The following NRXN3 variants were observed in gnomAD, a reference collection of about 807,000 sequenced individuals.
The protein encoded by NRXN3 is neurexin 3, also known as neurexin III.
In NRXN3, 32 loss-of-function variants were observed where a neutral mutation model predicts 137.6. The ratio of observed to expected loss-of-function variants is 0.23; its 90% CI spans 0.18 to 0.31. The LOEUF (loss-of-function observed/expected upper bound fraction) is 0.31. Ranked by LOEUF, NRXN3 falls within the 10% of genes least tolerant of loss-of-function variation. NRXN3 has a pLI of 1.00. For missense variants in NRXN3, 1,574 were observed against 2,062.5 expected (o/e 0.76, Z 4.59); for synonymous variants, 798 against 784.5 (o/e 1.02, Z -0.29).
chr14:78,213,530 G>A (rs527883240), intron 1 of NRXN3, among the ~76,000 whole-genome samples: 2 of 152,304 alleles, frequency 1.3e-5, no homozygotes, highest in African/African-American at 4.8e-5. Context: ...CAGGCTGATG[G>A]GAAGTCCCCA....
At chr14:79,175,868 A>T (rs1239951974) in intron 15 of NRXN3, among the ~76,000 whole-genome samples, 1 of 151,446 alleles carries the variant, frequency 6.6e-6, no homozygotes, top group African/African-American at 2.4e-5. Context: ...GTTACAAAAC[A>T]GTGTTGTAGT....
intron 16 of NRXN3, among the ~76,000 whole-genome samples, chr14:79,505,928 C>T (rs558530074): frequency 5.9e-5 from 9 of 152,230 alleles, no homozygotes; most frequent in Non-Finnish European, 8.8e-5. Flanking sequence ...GTAATCCAGT[C>T]GTTGATCAAG....
At chr14:78,215,773 G>GA in intron 1 of NRXN3, among the ~76,000 whole-genome samples, 1 of 134,672 alleles carries the variant, frequency 7.4e-6, no homozygotes, top group African/African-American at 2.7e-5. Context: ...CAGGGGGGTG[G>GA]GGGGGGCAGG....
intron 19 of NRXN3, among the ~76,000 whole-genome samples, chr14:79,721,064 C>G (rs1204833790): frequency 6.6e-6 from 1 of 152,108 alleles, no homozygotes; most frequent in Non-Finnish European, 1.5e-5. Context: ...TGTGATCTAT[C>G]TCTCTAATTA....
At chr14:78,935,097 G>A (rs924933990) in intron 10 of NRXN3, among the ~76,000 whole-genome samples, 2 of 152,054 alleles carry the variant, frequency 1.3e-5, no homozygotes, top group South Asian at 2.1e-4. Flanking sequence ...GTGGCTTAGA[G>A]GCTGCAGTGC....
chr14:79,446,831 T>A (rs1232410316), intron 15 of NRXN3, among the ~76,000 whole-genome samples: 1 of 152,182 alleles, frequency 6.6e-6, no homozygotes, highest in East Asian at 1.9e-4. Flanking sequence ...TTTTAAAAAA[T>A]TATTGTGGTA....
intron 4 of NRXN3, among the ~76,000 whole-genome samples, chr14:78,486,403 T>A (rs2095559687): frequency 6.6e-6 from 1 of 152,210 alleles, no homozygotes; most frequent in African/African-American, 2.4e-5. Flanking sequence ...TAACTTATAG[T>A]CCAGGTATGT....
chr14:79,853,985 CTTTTT>C (rs2099397205), intron 20 of NRXN3: 2 of 984,842 alleles, frequency 2.0e-6, no homozygotes, highest in Non-Finnish European at 2.4e-6. Flanking sequence ...TTTTTTTTTT[CTTTTT>C]ATGTTATGTG....
chr14:78,180,315 C>T (rs764230242), intron 1 of NRXN3, among the ~76,000 whole-genome samples: 1 of 152,096 alleles, frequency 6.6e-6, no homozygotes, highest in African/African-American at 2.4e-5. Flanking sequence ...AGAACAGCCA[C>T]CTAGAGTCCC....
chr14:78,339,974 A>G (rs1308008188), intron 4 of NRXN3, among the ~76,000 whole-genome samples: 2 of 152,174 alleles, frequency 1.3e-5, no homozygotes, highest in Non-Finnish European at 2.9e-5. Context: ...CGGTAACTGG[A>G]AGACAAGTTG....
At chr14:78,694,562 A>G (rs1415246339) in intron 6 of NRXN3, among the ~76,000 whole-genome samples, 1 of 151,954 alleles carries the variant, frequency 6.6e-6, no homozygotes, top group Non-Finnish European at 1.5e-5. Flanking sequence ...ACTCTAATGC[A>G]CATGTTTAAT....
chr14:79,122,997 T>G (rs1055345635), intron 15 of NRXN3, among the ~76,000 whole-genome samples: 1 of 152,216 alleles, frequency 6.6e-6, no homozygotes, highest in African/African-American at 2.4e-5. Flanking sequence ...AATATAATCT[T>G]TAGTGATTAA....
intron 4 of NRXN3, among the ~76,000 whole-genome samples, chr14:78,468,326 G>T (rs2095174226): frequency 6.6e-6 from 1 of 152,182 alleles, no homozygotes; most frequent in African/African-American, 2.4e-5. Context: ...TAATGGGGCT[G>T]TCTCTCATCT....
chr14:78,638,277 T>C (rs2097583618), intron 4 of NRXN3, among the ~76,000 whole-genome samples: 1 of 152,152 alleles, frequency 6.6e-6, no homozygotes. Flanking sequence ...TATTTTCTTT[T>C]GTAGTGCAGG....
intron 4 of NRXN3, among the ~76,000 whole-genome samples, chr14:78,579,235 T>G (rs2096967171): frequency 6.6e-6 from 1 of 152,226 alleles, no homozygotes; most frequent in Admixed American, 6.5e-5. Flanking sequence ...AAAAGTATCT[T>G]GGATATGCCT....
intron 4 of NRXN3, among the ~76,000 whole-genome samples, chr14:78,484,755 A>G (rs1055312140): frequency 2.0e-5 from 3 of 152,188 alleles, no homozygotes; most frequent in Admixed American, 2.0e-4. Flanking sequence ...CCTCAGCTGC[A>G]TTAGAGAAAG....
intron 6 of NRXN3, among the ~76,000 whole-genome samples, chr14:78,701,068 C>A (rs529171251): frequency 1.4e-4 from 22 of 152,246 alleles, no homozygotes; most frequent in African/African-American, 5.3e-4. Flanking sequence ...CTGCGCCCGG[C>A]CTGGAAATTT....
At chr14:78,660,276 T>TATATATATATA (rs1566997203) in intron 6 of NRXN3, among the ~76,000 whole-genome samples, 5 of 150,236 alleles carry the variant, frequency 3.3e-5, no homozygotes, top group African/African-American at 1.2e-4. Flanking sequence ...TATATATATA[T>TATATATATATA]TTGGCAACTG....
chr14:78,333,795 G>T (rs2081123866), intron 4 of NRXN3, among the ~76,000 whole-genome samples: 1 of 152,112 alleles, frequency 6.6e-6, no homozygotes, highest in South Asian at 2.1e-4. Flanking sequence ...TGAGAGAATG[G>T]GGAGTCAACA....
Sources: allele counts gnomAD v4.1 joint callset (sites outside exome capture counted in the v4.1 genomes callset), GRCh38; gene constraint gnomAD v4.1.1; transcripts MANE v1.5; gene names NCBI Gene and HGNC (gene_info 2026-07-23, HGNC 2026-07-21).